PACS1: variants seen among roughly 807,000 people sequenced by gnomAD.
The protein encoded by PACS1 is PACS-1.
A neutral mutation model predicts 115.0 loss-of-function variants in PACS1; 24 were observed. The ratio of observed to expected loss-of-function variants is 0.21; its 90% CI spans 0.15 to 0.29. The LOEUF (loss-of-function observed/expected upper bound fraction) is 0.29. PACS1 is among the 10% of genes least tolerant of loss of function. The probability of loss-of-function intolerance (pLI) is 1.00; values close to 1 mark genes in which losing one functional copy is unlikely to be tolerated. For synonymous variants in PACS1, 453 were observed against 504.5 expected, an observed-to-expected ratio of 0.90 and a Z score of 1.37; for missense variants, 838 against 1,251.2, an observed-to-expected ratio of 0.67 and a Z score of 4.98.
At chr11:66,126,314 G>A (rs1737400811) in intron 1 of PACS1, among the ~76,000 whole-genome samples, 1 of 152,164 alleles carries the variant, frequency 6.6e-6, no homozygotes, top group African/African-American at 2.4e-5. Context: ...TAATCAGGGT[G>A]TTTCCTTGTT....
chr11:66,075,953 G>A (rs1415651996), intron 1 of PACS1, among the ~76,000 whole-genome samples: 2 of 152,120 alleles, frequency 1.3e-5, no homozygotes, highest in Non-Finnish European at 2.9e-5. Context: ...TAGCCAGGAT[G>A]CTCTCGATCT....
At chr11:66,144,791 G>A (rs1023106100) in intron 1 of PACS1, among the ~76,000 whole-genome samples, 7 of 152,048 alleles carry the variant, frequency 4.6e-5, no homozygotes, top group African/African-American at 1.2e-4. Context: ...GCACCACGAC[G>A]CCCAGCTAAT....
chr11:66,145,849 A>G (rs1859109601), intron 1 of PACS1, among the ~76,000 whole-genome samples: 1 of 152,190 alleles, frequency 6.6e-6, no homozygotes, highest in African/African-American at 2.4e-5. Flanking sequence ...GTGTGTCAGC[A>G]AGTCAGGCTT....
intron 11 of PACS1, among the ~76,000 whole-genome samples, chr11:66,229,715 A>T (rs1855543533): frequency 6.6e-6 from 1 of 151,938 alleles, no homozygotes; most frequent in African/African-American, 2.4e-5. Context: ...TAAATAAAAT[A>T]AATAAAAAAG....
intron 1 of PACS1, among the ~76,000 whole-genome samples, chr11:66,122,569 T>C (rs1339581542): frequency 6.6e-6 from 1 of 152,174 alleles, no homozygotes; most frequent in Admixed American, 6.5e-5. Context: ...TTAAGAACAT[T>C]TGTGGTTCAT....
chr11:66,091,710 C>T (rs1857669566), intron 1 of PACS1, among the ~76,000 whole-genome samples: 1 of 151,480 alleles, frequency 6.6e-6, no homozygotes. Context: ...TGTGATGTTC[C>T]CCTTCCTGTG....
intron 2 of PACS1, among the ~76,000 whole-genome samples, chr11:66,210,104 C>T (rs1855036169): frequency 6.6e-6 from 1 of 151,812 alleles, no homozygotes; most frequent in Non-Finnish European, 1.5e-5. Context: ...GATCATGACT[C>T]ACTGCAGGCT....
intron 1 of PACS1, chr11:66,120,921 C>G (rs1199360154): frequency 2.3e-6 from 1 of 436,136 alleles, no homozygotes; most frequent in Non-Finnish European, 4.7e-6. Flanking sequence ...TGCCCCAGCC[C>G]TGTGCTTCCA....
chr11:66,074,180 C>T (rs1161035377), intron 1 of PACS1, among the ~76,000 whole-genome samples: 5 of 152,146 alleles, frequency 3.3e-5, no homozygotes, highest in Non-Finnish European at 5.9e-5. Flanking sequence ...CCTCTTCTCA[C>T]TTCCCAGAGG....
At chr11:66,217,492 C>T (rs1325295998) in intron 7 of PACS1, 1 of 451,820 alleles carries the variant, frequency 2.2e-6, no homozygotes, top group African/African-American at 2.0e-5. Flanking sequence ...CAGAGGCATC[C>T]TGATTCTCCC....
chr11:66,242,748 T>A (rs1053254453), intron 22 of PACS1, among the ~76,000 whole-genome samples, 164 bp from the exon 23 acceptor site: 1 of 151,386 alleles, frequency 6.6e-6, no homozygotes, highest in Non-Finnish European at 1.5e-5. Context: ...TGGGACTGAG[T>A]CAGGAACCTG....
At chr11:66,156,207 TATATATATATATATATATATATA>T (rs1859351707) in intron 1 of PACS1, among the ~76,000 whole-genome samples, 1 of 2,106 alleles carries the variant, frequency 4.7e-4, no homozygotes, top group African/African-American at 1.4e-3. Flanking sequence ...TTTTAAATTA[TATATATATATATATATATATATA>T]TATATATATA....
chr11:66,154,715 G>A (rs547813700), intron 1 of PACS1, among the ~76,000 whole-genome samples: 52 of 152,194 alleles, frequency 3.4e-4, no homozygotes, highest in Admixed American at 9.2e-4. Flanking sequence ...AAATAGGCTC[G>A]TGGATTGGAA....
intron 1 of PACS1, among the ~76,000 whole-genome samples, chr11:66,101,554 G>A (rs919463270): frequency 6.6e-6 from 1 of 152,192 alleles, no homozygotes; most frequent in Non-Finnish European, 1.5e-5. Flanking sequence ...AATAGAGAGG[G>A]ACAGGCTTCA....
intron 1 of PACS1, among the ~76,000 whole-genome samples, chr11:66,175,582 T>C (rs1298549484): frequency 6.6e-6 from 1 of 152,240 alleles, no homozygotes; most frequent in Non-Finnish European, 1.5e-5. Context: ...TGCTACGTTT[T>C]GTGTAAGTTG....
intron 1 of PACS1, among the ~76,000 whole-genome samples, chr11:66,168,261 C>T (rs1182099121): frequency 1.3e-5 from 2 of 150,336 alleles, no homozygotes; most frequent in Non-Finnish European, 2.9e-5. Context: ...GAATTTTGAT[C>T]GGTGTTGTAT....
chr11:66,159,743 A>G (rs1468485746), intron 1 of PACS1, among the ~76,000 whole-genome samples: 2 of 152,240 alleles, frequency 1.3e-5, no homozygotes, highest in Admixed American at 6.5e-5. Context: ...AAGTCCAGCT[A>G]TCTTTACATT....
At position 66,243,604 on chromosome 11, in the gene PACS1, C is replaced by A. The variant is rs1010404134; in HGVS notation, c.*324C>A. 3.5e-6 allele frequency: 1 copy of A among 283,590 alleles called. No individual in the cohort carries two copies. Among genetic ancestry groups the A allele is most frequent in the African/African-American group, 2.2e-5 (1 of 46,326 alleles). 17.6% of individuals were successfully genotyped at this position (283,590 alleles called of 1,614,324 possible). The stretch of plus-strand genomic sequence containing the variant: ...CCTTCCTTCACCCGACTTCCAAACT[C>A]TTCCTTGTGGTATCAGTTTCCTTCT... On this transcript the variant is annotated 3_prime_UTR_variant, in exon 24 of 24. Coordinates refer to ENST00000320580, the MANE Select transcript of PACS1 (RefSeq NM_018026.4).
intron 2 of PACS1, among the ~76,000 whole-genome samples, chr11:66,197,985 A>G (rs1854686659): frequency 6.6e-6 from 1 of 152,252 alleles, no homozygotes; most frequent in African/African-American, 2.4e-5. Context: ...TAAGTCATTC[A>G]TTAAAAAGAT....
Sources: allele counts gnomAD v4.1 joint callset (sites outside exome capture counted in the v4.1 genomes callset), GRCh38; gene constraint gnomAD v4.1.1; transcripts MANE v1.5; gene names NCBI Gene and HGNC (gene_info 2026-07-23, HGNC 2026-07-21).